Variants in CRPPA observed in about 807,000 individuals in gnomAD.
CRPPA encodes the protein CDP-L-ribitol pyrophosphorylase A.
In CRPPA, 43 loss-of-function variants were observed where a neutral mutation model predicts 52.0. The ratio of observed to expected loss-of-function variants is 0.83; its 90% CI spans 0.65 to 1.07. CRPPA has a LOEUF of 1.07. CRPPA is among the 50% of genes least tolerant of loss of function. CRPPA has a pLI of 0.00. For missense variants in CRPPA, 629 were observed against 551.7 expected (o/e 1.14, Z -1.40); for synonymous variants, 250 against 203.5 (o/e 1.23, Z -1.94).
chr7:16,158,862 G>A (rs1180851602), intron 9 of CRPPA, among the ~76,000 whole-genome samples: 1 of 152,206 alleles, frequency 6.6e-6, no homozygotes, highest in Non-Finnish European at 1.5e-5. Context: ...TCTGGCACAA[G>A]TGTGGTCATG....
chr7:16,276,441 A>G (rs1267601338), intron 6 of CRPPA: 2 of 152,234 alleles, frequency 1.3e-5, no homozygotes, highest in Non-Finnish European at 2.9e-5. Context: ...AAGACAAAGA[A>G]AGTCAGATTT....
chr7:16,240,831 T>G (rs1213994579), intron 8 of CRPPA, among the ~76,000 whole-genome samples: 1 of 152,168 alleles, frequency 6.6e-6, no homozygotes, highest in Admixed American at 6.5e-5. Context: ...TGGTATTAAA[T>G]TTAACAGCAT....
At chr7:16,286,323 A>G (rs752392349) in intron 5 of CRPPA, among the ~76,000 whole-genome samples, 2 of 151,546 alleles carry the variant, frequency 1.3e-5, no homozygotes, top group Non-Finnish European at 2.9e-5. Context: ...ATCCAATCAA[A>G]TGAAAGCCTG....
chr7:16,106,188 C>A (rs1193382400), intron 9 of CRPPA, among the ~76,000 whole-genome samples: 1 of 152,168 alleles, frequency 6.6e-6, no homozygotes, highest in African/African-American at 2.4e-5. Context: ...AAGAGCTAGA[C>A]CTGCTTGACC....
At chr7:16,252,259 A>G (rs891732114) in intron 8 of CRPPA, among the ~76,000 whole-genome samples, 3 of 152,222 alleles carry the variant, frequency 2.0e-5, no homozygotes, top group African/African-American at 7.2e-5. Flanking sequence ...TATGCAAATC[A>G]ATAAATGTAA....
chr7:16,152,424 T>C (rs530798676), intron 9 of CRPPA, among the ~76,000 whole-genome samples: 6 of 151,920 alleles, frequency 3.9e-5, no homozygotes, highest in Non-Finnish European at 7.4e-5. Context: ...TACCCCCCAG[T>C]GAGGGTATAA....
intron 8 of CRPPA, among the ~76,000 whole-genome samples, chr7:16,234,471 A>T (rs1426512029): frequency 6.6e-6 from 1 of 152,146 alleles, no homozygotes; most frequent in Non-Finnish European, 1.5e-5. Context: ...AAAATGAAAA[A>T]TTTTTTAATT....
chr7:16,397,434 C>T (rs56335840), intron 2 of CRPPA, among the ~76,000 whole-genome samples: 40,650 of 152,126 alleles, frequency 0.27, 5,760 homozygotes, highest in South Asian at 0.38. Context: ...ACACGTGTAA[C>T]GTGTGATGTA....
At chr7:16,236,443 A>G (rs958326932) in intron 8 of CRPPA, among the ~76,000 whole-genome samples, 4 of 152,184 alleles carry the variant, frequency 2.6e-5, no homozygotes, top group Non-Finnish European at 5.9e-5. Context: ...TCTGGTACCC[A>G]GAAAATTGAA....
At chr7:16,150,438 G>A (rs1783055984) in intron 9 of CRPPA, among the ~76,000 whole-genome samples, 1 of 152,124 alleles carries the variant, frequency 6.6e-6, no homozygotes, top group South Asian at 2.1e-4. Context: ...ATCATTTTGA[G>A]GATGCTAAAT....
intron 6 of CRPPA, among the ~76,000 whole-genome samples, chr7:16,264,919 G>C (rs1295145): frequency 0.47 from 71,900 of 152,062 alleles, 17,326 homozygotes; most frequent in African/African-American, 0.56. Flanking sequence ...CGTCGTTGCT[G>C]TGTGACTTTG....
At chr7:16,387,076 T>TATATATATAC (rs1787303897) in intron 2 of CRPPA, among the ~76,000 whole-genome samples, 5 of 65,662 alleles carry the variant, frequency 7.6e-5, no homozygotes, top group African/African-American at 2.6e-4. Flanking sequence ...TATATATATA[T>TATATATATAC]ATATATATAT....
chr7:16,159,435 C>G (rs528644547), intron 9 of CRPPA, among the ~76,000 whole-genome samples: 1 of 152,252 alleles, frequency 6.6e-6, no homozygotes, highest in Admixed American at 6.5e-5. Flanking sequence ...CTTATGAGGA[C>G]AGGCGGTGTT....
intron 8 of CRPPA, among the ~76,000 whole-genome samples, chr7:16,221,646 G>A (rs1033966248): frequency 6.6e-6 from 1 of 151,966 alleles, no homozygotes; most frequent in African/African-American, 2.4e-5. Context: ...GACATGAACA[G>A]ACACTTCTCA....
intron 9 of CRPPA, among the ~76,000 whole-genome samples, chr7:16,191,283 C>T (rs1157242779): frequency 6.6e-6 from 1 of 152,096 alleles, no homozygotes; most frequent in Non-Finnish European, 1.5e-5. Context: ...TTCTGAAATG[C>T]TCGCAGACCA....
chr7:16,354,263 T>G (rs969358562), intron 3 of CRPPA, among the ~76,000 whole-genome samples: 1 of 152,180 alleles, frequency 6.6e-6, no homozygotes, highest in African/African-American at 2.4e-5. Flanking sequence ...TAAAAACTGG[T>G]TTATTGAAAA....
chr7:16,400,329 G>C (rs1357481974), intron 2 of CRPPA, among the ~76,000 whole-genome samples: 1 of 152,190 alleles, frequency 6.6e-6, no homozygotes, highest in Non-Finnish European at 1.5e-5. Context: ...ACCAACACCT[G>C]ATAGACACGT....
At chr7:16,172,677 T>G (rs1781214283) in intron 9 of CRPPA, among the ~76,000 whole-genome samples, 1 of 152,238 alleles carries the variant, frequency 6.6e-6, no homozygotes, top group African/African-American at 2.4e-5. Flanking sequence ...CTCTCCTATG[T>G]GATCCTTAAA....
rs371376395 is a variant in CRPPA, at chr7:16,089,498, C to T, written c.*2197G>A. 9 of 284,168 alleles carry T rather than the reference C, an allele frequency of 3.2e-5. 1 individual carries two copies. The highest frequency in any genetic ancestry group is 1.6e-4 in the East Asian group (2 of 12,766). The allele number at this position is 284,168 out of a possible 1,614,324, so 17.6% of individuals were successfully genotyped here. On this transcript the variant is annotated 3_prime_UTR_variant, in exon 10 of 10. Coordinates refer to ENST00000407010, the MANE Select transcript of CRPPA (RefSeq NM_001101426.4). ...GTACATATATACGGGTATATATGTA[C>T]GTACATACATAGATATGGGTATATA...
Sources: gnomAD v4.1 joint callset for allele counts (sites outside exome capture counted in the v4.1 genomes callset) on GRCh38, gnomAD v4.1.1 for gene constraint, MANE v1.5 for transcripts, NCBI Gene and HGNC (gene_info 2026-07-23, HGNC 2026-07-21) for gene names.